CLCN1: variants seen among roughly 807,000 people sequenced by gnomAD.
CLCN1 encodes chloride channel protein 1.
CLCN1 carries 100 observed loss-of-function variants against 114.5 expected under a neutral mutation model. The ratio of observed to expected loss-of-function variants is 0.87; its 90% CI spans 0.74 to 1.03. The LOEUF is 1.03. Among genes scored for constraint, CLCN1 ranks in the 50% least tolerant of loss-of-function variants. The probability of loss-of-function intolerance (pLI) is 0.00; values close to 1 mark genes in which losing one functional copy is unlikely to be tolerated. For missense variants in CLCN1, 1,188 were observed against 1,250.0 expected, an observed-to-expected ratio of 0.95 and a Z score of 0.75; for synonymous variants, 485 against 487.1, an observed-to-expected ratio of 1.00 and a Z score of 0.06.
At chr7:143,331,390 C>A in intron 9 of CLCN1, 74 bp downstream of exon 9, 2 of 1,266,794 alleles carry the variant, frequency 1.6e-6, no homozygotes, top group Non-Finnish European at 2.3e-6. Flanking sequence ...GGGACCCAAG[C>A]TAGAAAGAAG....
At position 143,351,908 on chromosome 7, in the gene CLCN1, G is replaced by A; in HGVS notation, c.2910G>A (p.Leu970=). The part of the protein sequence containing the change: ...PGLEEELADI[L]QGPSLRSTDE... ...TGGAAGAGGAGCTGGCCGACATCTT[G>A]CAGGGCCCCAGCCTGCGATCCACAG... The change falls in exon 23 of 23, where the codon TTG becomes TTA. Residue 970 remains leucine (L), a synonymous_variant. Coordinates refer to ENST00000343257, the MANE Select transcript of CLCN1 (RefSeq NM_000083.3). The A allele has an allele frequency of 1.2e-6, 2 of 1,613,950 alleles. No homozygotes were observed. The highest frequency in any genetic ancestry group is 1.7e-6 in the Non-Finnish European group (2 of 1,180,022).
rs1802285175 is a variant in CLCN1, at chr7:143,316,183, A to C, written c.-30A>C. The C allele has an allele frequency of 6.3e-7, 1 of 1,584,816 alleles. No homozygotes were observed. Among genetic ancestry groups the C allele is most frequent in the Non-Finnish European group, 8.6e-7 (1 of 1,156,526 alleles). On this transcript the variant is annotated 5_prime_UTR_variant, in exon 1 of 23. Coordinates refer to ENST00000343257, the MANE Select transcript of CLCN1 (RefSeq NM_000083.3). ...GGGAAGGACAGGGGCAAGCAGGCCA[A>C]GGCCTGGCCGGGGCTCGGGGGGAGG...
rs756225171 is a variant in CLCN1, at chr7:143,351,757, G to A, written c.2759G>A (p.Gly920Glu). The A allele has an allele frequency of 1.2e-6, 2 of 1,614,072 alleles. No homozygotes were observed. Among genetic ancestry groups the A allele is most frequent in the East Asian group, 2.2e-5 (1 of 44,868 alleles). ...PEDRPGATGTGDVIAASPETP... is the reference protein window; with the variant it reads ...PEDRPGATGTEDVIAASPETP... Reference sequence around the variant, plus strand: ...GACAGGCCTGGGGCCACTGGAACAGGGGATGTGATTGCTGCCTCCCCAGAG... The same window carrying A: ...GACAGGCCTGGGGCCACTGGAACAGAGGATGTGATTGCTGCCTCCCCAGAG... Residue 920 changes from glycine (G) to glutamate (E), a missense_variant, in exon 23 of 23, where the codon GGG becomes GAG. Transcript: ENST00000343257.
intron 8 of CLCN1, 117 bp downstream of exon 8, chr7:143,331,014 G>T: frequency 6.7e-7 from 1 of 1,489,822 alleles, no homozygotes; most frequent in Non-Finnish European, 9.4e-7. Context: ...TCATTTGTGG[G>T]GTGGGACCAA....
Position 143,331,636 on chromosome 7 carries a change from C to T in CLCN1, c.1150C>T (p.Gln384Ter). The T allele has an allele frequency of 3.7e-6, 6 of 1,613,448 alleles. No homozygotes were observed. Among genetic ancestry groups the T allele is most frequent in the South Asian group, 1.1e-5 (1 of 91,064 alleles). Residue 384 changes from glutamine (Q) to a stop codon, truncating the protein, a stop_gained, in exon 10 of 23, where the codon CAG becomes TAG. Coordinates refer to ENST00000343257, the MANE Select transcript of CLCN1 (RefSeq NM_000083.3). LOFTEE classifies it high-confidence loss of function. ...TGTCCGAAAGCACAAGGCCCTCAGC[C>T]AGTTTCTTGCTAAGCAGTGAGTCAC... Reference protein sequence around the residue: ...LGVRKHKALSQFLAKHRLLYP... With the variant: ...LGVRKHKALS
intron 16 of CLCN1, 142 bp from the exon 17 acceptor site, chr7:143,345,379 A>C: frequency 8.8e-7 from 1 of 1,139,422 alleles, no homozygotes; most frequent in Non-Finnish European, 1.2e-6. Context: ...GAGGATTCTT[A>C]AAATGAGTTT....
chr7:143,329,521 C>T (rs1358199660), intron 7 of CLCN1, among the ~76,000 whole-genome samples: 2 of 152,130 alleles, frequency 1.3e-5, no homozygotes, highest in Non-Finnish European at 2.9e-5. Context: ...GTGCAAATGA[C>T]CTGATGTAAC....
Position 143,345,614 on chromosome 7 carries a change from A to G in CLCN1, c.2024A>G (p.Gln675Arg). Residue 675 changes from glutamine (Q) to arginine (R), a missense_variant, in exon 17 of 23, where the codon CAA (glutamine) becomes CGA (arginine). Gln to Arg is a conservative substitution (Grantham distance 43, BLOSUM62 1). Transcript: ENST00000343257. Reference sequence around the variant, plus strand: ...CCTGAGCGCAGGCTGCGCGCAGCCCAAGAGATGGCGCGGAAGTTGTCGGAG... The same window carrying G: ...CCTGAGCGCAGGCTGCGCGCAGCCCGAGAGATGGCGCGGAAGTTGTCGGAG... Reference protein sequence around the residue: ...LCPERRLRAAQEMARKLSELP... With the variant: ...LCPERRLRAAREMARKLSELP... The G allele has an allele frequency of 6.4e-7, 1 of 1,558,536 alleles. No individual in the cohort carries two copies. Among genetic ancestry groups the G allele is most frequent in the East Asian group, 2.4e-5 (1 of 41,490 alleles).
At position 143,322,624 on chromosome 7, in the gene CLCN1, G is replaced by A. The variant is rs143973814; in HGVS notation, c.697-685G>A. Among the ~76,000 whole-genome samples, 576 of 152,354 alleles carry A rather than the reference G, an allele frequency of 3.8e-3. 2 individuals are homozygous for A. Among genetic ancestry groups the A allele is most frequent in the African/African-American group, 0.013 (546 of 41,588 alleles). On this transcript the variant is annotated intron_variant, in intron 5 of 22. Transcript: ENST00000343257. ...TGCAACCTCCACCTCCCAGGTTCAA[G>A]CGATTCTCCCACCTCAGCTTCCCGA...
At position 143,324,483 on chromosome 7, in the gene CLCN1, C is replaced by G. The variant is rs1586489432; in HGVS notation, c.844C>G (p.Pro282Ala). 1 of 1,613,316 alleles carries G rather than the reference C, an allele frequency of 6.2e-7. No homozygotes were observed. The highest frequency in any genetic ancestry group is 1.7e-5 in the Admixed American group (1 of 60,022). The change falls in exon 7 of 23, where the codon CCA becomes GCA. Residue 282 changes from proline to alanine, a missense_variant. Coordinates refer to ENST00000343257, the MANE Select transcript of CLCN1 (RefSeq NM_000083.3). This position sits in a 1 kb window ranked among gnomAD's most constrained non-coding sequence, Gnocchi z 4.6. ...AVGVGCCFGT[P>A]LGGVLFSIEV... Reference sequence around the variant, plus strand: ...GGGAGTCGGCTGTTGTTTTGGGACACCACTTGGAGGCAAGTGATTGACCCC... The same window carrying G: ...GGGAGTCGGCTGTTGTTTTGGGACAGCACTTGGAGGCAAGTGATTGACCCC...
At position 143,321,814 on chromosome 7, in the gene CLCN1, C is replaced by A; in HGVS notation, c.662C>A (p.Ala221Glu). Reference protein sequence around the residue: ...AFVAKVVALTAGLGSGIPVGK... With the variant: ...AFVAKVVALTEGLGSGIPVGK... ...GTGGCCAAGGTTGTCGCCCTGACTGCGGGCCTGGGCAGTGGCATCCCCGTG... is the reference window on the plus strand; with the variant it reads ...GTGGCCAAGGTTGTCGCCCTGACTGAGGGCCTGGGCAGTGGCATCCCCGTG... Residue 221 changes from alanine to glutamate, a missense_variant, in exon 5 of 23, where the codon GCG becomes GAG. Physicochemically the swap from Ala to Glu is moderately radical, Grantham distance 107. Coordinates refer to ENST00000343257, the MANE Select transcript of CLCN1 (RefSeq NM_000083.3). This position sits in a 1 kb window ranked among gnomAD's most constrained non-coding sequence, Gnocchi z 4.2. 6.2e-7 allele frequency: 1 copy of A among 1,614,194 alleles called. No individual in the cohort carries two copies. Among genetic ancestry groups the A allele is most frequent in the Non-Finnish European group, 8.5e-7 (1 of 1,180,020 alleles).
Position 143,330,868 on chromosome 7 carries a change from G to C in CLCN1, c.950G>C (p.Arg317Pro), listed in dbSNP as rs80356702. ...FAATFSAFVF[R>P]VLAVWNKDAV... ...GCCACGTTCAGCGCCTTTGTGTTTCGAGTGCTGGCAGTGTGGAACAAGGAT... is the reference window on the plus strand; with the variant it reads ...GCCACGTTCAGCGCCTTTGTGTTTCCAGTGCTGGCAGTGTGGAACAAGGAT... The change falls in exon 8 of 23, where the codon CGA (arginine) becomes CCA (proline). Residue 317 changes from arginine (R) to proline (P), a missense_variant. Coordinates refer to ENST00000343257, the MANE Select transcript of CLCN1 (RefSeq NM_000083.3). 5 of 1,614,148 alleles carry C rather than the reference G, an allele frequency of 3.1e-6. No homozygotes were observed. Among genetic ancestry groups the C allele is most frequent in the Non-Finnish European group, 4.2e-6 (5 of 1,180,040 alleles).
chr7:143,345,553 T>G lies in CLCN1; in HGVS notation c.1963T>G (p.Ser655Ala). The G allele has an allele frequency of 6.5e-7, 1 of 1,541,788 alleles. No homozygotes were observed. The highest frequency in any genetic ancestry group is 8.8e-7 in the Non-Finnish European group (1 of 1,140,906). Reference sequence around the variant, plus strand: ...GATCCTGCTGGGCTCGGTGGAGCGGTCGGAACTGCAGGCCCTCCTGCAGCG... The same window carrying G: ...GATCCTGCTGGGCTCGGTGGAGCGGGCGGAACTGCAGGCCCTCCTGCAGCG... The part of the protein sequence containing the change: ...SMILLGSVER[S>A]ELQALLQRHL... Residue 655 changes from serine to alanine, a missense_variant, in exon 17 of 23, where the codon TCG becomes GCG. Ser to Ala is a moderately conservative substitution (Grantham distance 99). Coordinates refer to ENST00000343257, the MANE Select transcript of CLCN1 (RefSeq NM_000083.3).
chr7:143,343,482 T>G (rs2367944), intron 16 of CLCN1, among the ~76,000 whole-genome samples: 19 of 152,158 alleles, frequency 1.2e-4, no homozygotes, highest in African/African-American at 4.6e-4. Context: ...TTGTTGCTCT[T>G]TGCATGTTTG....
In CLCN1 at chr7:143,320,754, T is replaced by C. The variant is rs769391461; in HGVS notation, c.392T>C (p.Val131Ala). 7 of 1,613,778 alleles carry C rather than the reference T, an allele frequency of 4.3e-6. No individual in the cohort carries two copies. In the Admixed American group the frequency reaches 6.7e-5, roughly 15 times the overall value. ...LVLLGLLMAL[V>A]SWSMDYVSAK... ...CTTCTGGGACTGCTGATGGCTCTGG[T>C]CAGCTGGAGCATGGACTACGTCAGT... The change falls in exon 3 of 23, where the codon GTC becomes GCC. Residue 131 changes from valine (V) to alanine (A), a missense_variant. By Grantham distance (64) the Val-to-Ala change is moderately conservative. Coordinates refer to ENST00000343257, the MANE Select transcript of CLCN1 (RefSeq NM_000083.3).
chr7:143,320,941 C>A, intron 3 of CLCN1, 146 bp downstream of exon 3: 3 of 996,140 alleles, frequency 3.0e-6, no homozygotes, highest in South Asian at 2.6e-5. Flanking sequence ...GGACTCCAGG[C>A]CCAGAAAAGA....
In CLCN1 at chr7:143,339,258, G is replaced by T; in HGVS notation, c.1407G>T (p.Trp469Cys). ...AACGCTTCTTTCTACTCCAGTTCTG[G>T]ATGTCCATCGTGGCCACCACTATGC... ...IIFLFFVMKF[W>C]MSIVATTMPI... Residue 469 changes from tryptophan (W) to cysteine (C), a missense_variant, in exon 13 of 23, where the codon TGG (tryptophan) becomes TGT (cysteine). Trp to Cys is a radical substitution (Grantham distance 215). Coordinates refer to ENST00000343257, the MANE Select transcript of CLCN1 (RefSeq NM_000083.3). This position sits in a 1 kb window ranked among gnomAD's most constrained non-coding sequence, Gnocchi z 4.1. 6.2e-7 allele frequency: 1 copy of T among 1,607,212 alleles called. No individual in the cohort carries two copies. The highest frequency in any genetic ancestry group is 8.5e-7 in the Non-Finnish European group (1 of 1,173,764).
At chr7:143,341,324 C>G (rs534708783) in intron 14 of CLCN1, among the ~76,000 whole-genome samples, 5 of 152,076 alleles carry the variant, frequency 3.3e-5, no homozygotes, top group Admixed American at 3.3e-4. Context: ...TTTGGGAGGC[C>G]GAGGCAGGCA....
At position 143,342,613 on chromosome 7, in the gene CLCN1, T is replaced by C. The variant is rs17381401; in HGVS notation, c.1930+108T>C. 0.031 allele frequency: 34,716 copies of C among 1,119,296 alleles called. 703 individuals carry two copies. The highest frequency in any genetic ancestry group is 0.046 in the Middle Eastern group (221 of 4,788). The allele number at this position is 1,119,296 out of a possible 1,614,324, so 69.3% of individuals were successfully genotyped here. A position where few individuals can be genotyped will look rare whatever the true frequency, so the allele number is the denominator to read the frequency against. The stretch of plus-strand genomic sequence containing the variant: ...GGCTTTGTCTTTAGGGGCCATCCAA[T>C]GTGCTATGTACAAGGAAGGAAAAAT... On this transcript the variant is annotated intron_variant, in intron 16 of 22. Coordinates refer to ENST00000343257, the MANE Select transcript of CLCN1 (RefSeq NM_000083.3).
Sources: allele counts gnomAD v4.1 joint callset (sites outside exome capture counted in the v4.1 genomes callset), GRCh38; gene constraint gnomAD v4.1.1; non-coding constraint Gnocchi (gnomAD v3.1); transcripts MANE v1.5; gene names NCBI Gene and HGNC (gene_info 2026-07-23, HGNC 2026-07-21).